CSMD1: variants seen among roughly 807,000 people sequenced by gnomAD.
CSMD1 encodes CUB and sushi domain-containing protein 1.
CSMD1 carries 213 observed loss-of-function variants against 417.5 expected under a neutral mutation model. The ratio of observed to expected loss-of-function variants is 0.51; its 90% CI spans 0.46 to 0.57. The LOEUF is 0.57. Among genes scored for constraint, CSMD1 ranks in the 20% least tolerant of loss-of-function variants. CSMD1 has a pLI of 0.00. For synonymous variants in CSMD1, 2,862 were observed against 1,736.8 expected (o/e 1.65, Z -16.11); for missense variants, 6,923 against 4,529.7 (o/e 1.53, Z -15.17).
At chr8:4,976,163 CA>C (rs1207870009) in intron 1 of CSMD1, among the ~76,000 whole-genome samples, 1 of 152,146 alleles carries the variant, frequency 6.6e-6, no homozygotes, top group Non-Finnish European at 1.5e-5. Context: ...CTAGAGGGAG[CA>C]GAGAGACAAG....
At chr8:3,761,410 A>C (rs779777699) in intron 5 of CSMD1, among the ~76,000 whole-genome samples, 1 of 152,152 alleles carries the variant, frequency 6.6e-6, no homozygotes, top group African/African-American at 2.4e-5. Flanking sequence ...ACCAACTATG[A>C]AACAAAATAA....
intron 5 of CSMD1, among the ~76,000 whole-genome samples, chr8:3,864,428 G>A (rs1342700456): frequency 1.3e-5 from 2 of 152,114 alleles, no homozygotes; most frequent in Admixed American, 6.5e-5. Flanking sequence ...TGAGAAGAAA[G>A]GAATACAGTA....
chr8:4,553,144 C>G (rs989800667), intron 2 of CSMD1, among the ~76,000 whole-genome samples: 2 of 152,200 alleles, frequency 1.3e-5, no homozygotes, highest in Non-Finnish European at 2.9e-5. Context: ...TTGTGAACAC[C>G]TCACTGTTGC....
intron 1 of CSMD1, among the ~76,000 whole-genome samples, chr8:4,821,966 A>G (rs1315233253): frequency 6.6e-6 from 1 of 152,064 alleles, no homozygotes; most frequent in Non-Finnish European, 1.5e-5. Flanking sequence ...CTTCTCAGAG[A>G]ATACTACGTA....
intron 2 of CSMD1, among the ~76,000 whole-genome samples, chr8:4,479,274 G>C (rs1199789643): frequency 6.6e-6 from 1 of 152,092 alleles, no homozygotes; most frequent in Non-Finnish European, 1.5e-5. Context: ...AATCAAAGTT[G>C]CATTTGTTTG....
intron 49 of CSMD1, among the ~76,000 whole-genome samples, chr8:3,070,693 A>G (rs940186502): frequency 6.6e-6 from 1 of 152,170 alleles, no homozygotes; most frequent in African/African-American, 2.4e-5. Context: ...CTATTTACCC[A>G]GTCTCTAAGA....
At chr8:3,892,534 A>AAATAATAATAATAATAATAAT in intron 5 of CSMD1, among the ~76,000 whole-genome samples, 1 of 148,050 alleles carries the variant, frequency 6.8e-6, no homozygotes, top group African/African-American at 2.5e-5. Context: ...AATTTTGCAA[A>AAATAATAATAATAATAATAAT]AATAATAATA....
chr8:3,320,024 G>A (rs998989080), intron 23 of CSMD1, among the ~76,000 whole-genome samples: 7 of 152,094 alleles, frequency 4.6e-5, no homozygotes, highest in South Asian at 2.1e-4. Flanking sequence ...CCAACTTCAG[G>A]AGTGTCTGGC....
At chr8:3,587,079 C>A (rs11778159) in intron 8 of CSMD1, among the ~76,000 whole-genome samples, 55,070 of 152,122 alleles carry the variant, frequency 0.36, 10,857 homozygotes, top group Middle Eastern at 0.44. Flanking sequence ...GGATTACAGG[C>A]GTGAGCCACT....
At chr8:4,141,745 G>A (rs113237981) in intron 3 of CSMD1, among the ~76,000 whole-genome samples, 45,269 of 150,732 alleles carry the variant, frequency 0.3, 8,438 homozygotes, top group Non-Finnish European at 0.39. Context: ...CGGATACAGT[G>A]ATTCATCCCA....
At chr8:4,194,943 C>A (rs1799243760) in intron 3 of CSMD1, among the ~76,000 whole-genome samples, 1 of 151,540 alleles carries the variant, frequency 6.6e-6, no homozygotes, top group African/African-American at 2.4e-5. Flanking sequence ...GTGATTAGTC[C>A]CCGGGTGAAA....
intron 28 of CSMD1, among the ~76,000 whole-genome samples, chr8:3,220,225 C>T (rs1474315139): frequency 6.6e-6 from 1 of 151,846 alleles, no homozygotes; most frequent in Admixed American, 6.6e-5. Flanking sequence ...CAGAGTGTAA[C>T]CTTTCTCACA....
chr8:4,383,745 A>G (rs1175455186), intron 3 of CSMD1, among the ~76,000 whole-genome samples: 2 of 151,204 alleles, frequency 1.3e-5, no homozygotes, highest in Admixed American at 1.3e-4. Flanking sequence ...GTGCAGATAA[A>G]AAAAATTTCC....
At chr8:3,564,136 C>G (rs559526911) in intron 10 of CSMD1, among the ~76,000 whole-genome samples, 1 of 152,062 alleles carries the variant, frequency 6.6e-6, no homozygotes, top group Admixed American at 6.5e-5. Context: ...TGTATCTTTC[C>G]TTGTGTTTGG....
rs764987513 is a variant in CSMD1, at chr8:2,998,167, G to T, written c.8221C>A (p.Pro2741Thr). 1 of 1,613,880 alleles carries T rather than the reference G, an allele frequency of 6.2e-7. No individual in the cohort carries two copies. Among genetic ancestry groups the T allele is most frequent in the Admixed American group, 1.7e-5 (1 of 60,016 alleles). Residue 2741 changes from proline to threonine, a missense_variant, in exon 54 of 70, where the codon CCT becomes ACT. Transcript: ENST00000635120. ...PVCVPITCGHPGNPAHGFTNG... is the reference protein window; with the variant it reads ...PVCVPITCGHTGNPAHGFTNG... ...GTGAATCCGTGGGCAGGGTTTCCAG[G>T]GTGACCACATGTGATGGCTGTAGAG...
At chr8:3,653,303 G>T (rs895308551) in intron 7 of CSMD1, among the ~76,000 whole-genome samples, 2 of 152,026 alleles carry the variant, frequency 1.3e-5, no homozygotes, top group Non-Finnish European at 2.9e-5. Context: ...CTAAAGTTAT[G>T]GGGGTTCTTT....
intron 3 of CSMD1, among the ~76,000 whole-genome samples, chr8:4,203,749 C>T (rs1026869678): frequency 1.2e-4 from 18 of 152,026 alleles, no homozygotes; most frequent in African/African-American, 4.4e-4. Context: ...CGCACATATA[C>T]ATATAGACAT....
chr8:2,955,572 C>T lies in CSMD1; in HGVS notation c.9994+17G>A. 1 of 1,612,402 alleles carries T rather than the reference C, an allele frequency of 6.2e-7. No homozygotes were observed. Among genetic ancestry groups the T allele is most frequent in the Non-Finnish European group, 8.5e-7 (1 of 1,178,830 alleles). ...TGCTCTTTGGAAAAGTATGCCACTC[C>T]TTGATCAATGACTTACTTTTACACA... On this transcript the variant is annotated intron_variant, in intron 64 of 69. Transcript: ENST00000635120.
intron 41 of CSMD1, among the ~76,000 whole-genome samples, chr8:3,120,491 G>A (rs1037502663): frequency 3.3e-5 from 5 of 152,026 alleles, no homozygotes; most frequent in Admixed American, 6.6e-5. Flanking sequence ...ATGAGGTTTC[G>A]TTATTATCCA....
Sources: gnomAD v4.1 joint callset for allele counts (sites outside exome capture counted in the v4.1 genomes callset) on GRCh38, gnomAD v4.1.1 for gene constraint, MANE v1.5 for transcripts, NCBI Gene and HGNC (gene_info 2026-07-23, HGNC 2026-07-21) for gene names.